The following PTPRK variants were observed in gnomAD, a reference collection of about 807,000 sequenced individuals.
The protein encoded by PTPRK is receptor-type tyrosine-protein phosphatase kappa.
A neutral mutation model predicts 178.0 loss-of-function variants in PTPRK; 75 were observed. That is an observed-to-expected ratio of 0.42 (90% CI 0.35 to 0.51). The LOEUF is 0.51. Among genes scored for constraint, PTPRK ranks in the 20% least tolerant of loss-of-function variants. The pLI is 0.02. For missense variants in PTPRK, 1,441 were observed against 1,797.8 expected (o/e 0.80, Z 3.59); for synonymous variants, 637 against 620.6 (o/e 1.03, Z -0.39).
chr6:128,443,320 T>A (rs1389993092), intron 1 of PTPRK, among the ~76,000 whole-genome samples: 1 of 150,394 alleles, frequency 6.6e-6, no homozygotes, highest in Non-Finnish European at 1.5e-5. Context: ...AAGAAGGAGA[T>A]GAGGGAAGAG....
chr6:128,512,582 A>G (rs570960750), intron 1 of PTPRK, among the ~76,000 whole-genome samples: 3 of 152,330 alleles, frequency 2.0e-5, no homozygotes, highest in African/African-American at 7.2e-5. Context: ...AAACACTTAC[A>G]GGCTCATTAA....
chr6:128,342,177 C>T (rs1191107903), intron 2 of PTPRK, among the ~76,000 whole-genome samples: 1 of 150,952 alleles, frequency 6.6e-6, no homozygotes, highest in East Asian at 1.9e-4. Flanking sequence ...CGTCTGAGCC[C>T]GGGAGGCGGA....
chr6:127,992,795 C>G, intron 18 of PTPRK, 86 bp from the exon 19 acceptor site: 1 of 1,072,648 alleles, frequency 9.3e-7, no homozygotes, highest in East Asian at 2.5e-5. Context: ...AGACAACCAC[C>G]TGTTAAGATT....
At chr6:128,338,265 T>C (rs1562311243) in intron 2 of PTPRK, among the ~76,000 whole-genome samples, 2 of 152,008 alleles carry the variant, frequency 1.3e-5, no homozygotes, top group Non-Finnish European at 2.9e-5. Context: ...ATTATAGTAA[T>C]AGATGATGGA....
intron 25 of PTPRK, among the ~76,000 whole-genome samples, chr6:127,979,335 A>C (rs951450443): frequency 6.6e-6 from 1 of 152,224 alleles, no homozygotes; most frequent in Admixed American, 6.5e-5. Flanking sequence ...AAAATTTGAC[A>C]AAGATGCCAA....
At chr6:128,446,558 G>A (rs943204380) in intron 1 of PTPRK, among the ~76,000 whole-genome samples, 1 of 152,160 alleles carries the variant, frequency 6.6e-6, no homozygotes, top group African/African-American at 2.4e-5. Context: ...ACTGTTACAT[G>A]TCAATTATGT....
At chr6:127,978,992 C>CT (rs935666284) in intron 25 of PTPRK, among the ~76,000 whole-genome samples, 9 of 152,024 alleles carry the variant, frequency 5.9e-5, no homozygotes, top group South Asian at 2.1e-4. Context: ...TATGAAATGT[C>CT]TTTTTTTTGA....
rs542440288 is a variant in PTPRK, at chr6:128,085,167, C to G, written c.1466-1343G>C. 7 of 152,192 alleles carry G rather than the reference C, an allele frequency of 4.6e-5. No individual in the cohort carries two copies. In the South Asian group the frequency reaches 1.3e-3, roughly 27 times the overall value. The allele number at this position is 152,192 out of a possible 1,614,324, so 9.4% of individuals were successfully genotyped here. A position where few individuals can be genotyped will look rare whatever the true frequency, so the allele number is the denominator to read the frequency against. On this transcript the variant is annotated intron_variant, in intron 8 of 29. Coordinates refer to ENST00000368226, the MANE Select transcript of PTPRK (RefSeq NM_002844.4). ...AAACCCACAATAAACAGAAAATATG[C>G]CAGCACTAAACTTTAGAAGATATGT...
At chr6:128,493,381 T>G (rs1419051432) in intron 1 of PTPRK, among the ~76,000 whole-genome samples, 3 of 151,812 alleles carry the variant, frequency 2.0e-5, no homozygotes, top group South Asian at 2.1e-4. Context: ...GCTAACACAG[T>G]GAAACCCTGT....
chr6:128,039,203 T>G (rs1776747678), intron 13 of PTPRK, among the ~76,000 whole-genome samples: 1 of 152,126 alleles, frequency 6.6e-6, no homozygotes, highest in African/African-American at 2.4e-5. Flanking sequence ...AACTAAATGG[T>G]CATCAGTATA....
chr6:128,406,030 G>A (rs1841607287), intron 1 of PTPRK, among the ~76,000 whole-genome samples: 1 of 151,836 alleles, frequency 6.6e-6, no homozygotes, highest in Non-Finnish European at 1.5e-5. Flanking sequence ...ACTTTTTTAA[G>A]GAGGATCACT....
intron 7 of PTPRK, among the ~76,000 whole-genome samples, chr6:128,097,899 TA>T (rs1330267821): frequency 1.3e-5 from 2 of 152,054 alleles, no homozygotes; most frequent in African/African-American, 2.4e-5. Context: ...TGTACAACCC[TA>T]AAAAAATGTA....
intron 1 of PTPRK, among the ~76,000 whole-genome samples, chr6:128,474,684 A>G (rs904790756): frequency 4.6e-5 from 7 of 152,108 alleles, no homozygotes; most frequent in Admixed American, 3.3e-4. Context: ...CTTCATACCA[A>G]TGCTCACTGT....
At chr6:128,503,956 A>G (rs369456570) in intron 1 of PTPRK, among the ~76,000 whole-genome samples, 3 of 152,200 alleles carry the variant, frequency 2.0e-5, no homozygotes, top group South Asian at 4.1e-4. Context: ...CTGGAAATGC[A>G]CAAATCAATG....
intron 7 of PTPRK, among the ~76,000 whole-genome samples, chr6:128,152,290 T>C (rs1440741690): frequency 6.6e-6 from 1 of 151,950 alleles, no homozygotes; most frequent in African/African-American, 2.4e-5. Context: ...CTCTCAGAAA[T>C]AAGAAGTGGA....
At chr6:128,178,627 T>G (rs964813775) in intron 7 of PTPRK, among the ~76,000 whole-genome samples, 1 of 151,746 alleles carries the variant, frequency 6.6e-6, no homozygotes, top group African/African-American at 2.4e-5. Context: ...TGTTTCTGAT[T>G]TGAAATGAGA....
At chr6:127,983,882 C>G (rs772535309) in intron 22 of PTPRK, among the ~76,000 whole-genome samples, 2 of 151,810 alleles carry the variant, frequency 1.3e-5, no homozygotes, top group African/African-American at 4.8e-5. Flanking sequence ...TGAGGAGCCA[C>G]GCTTCACAGG....
chr6:128,462,332 ATGT>A (rs1318077984), intron 1 of PTPRK, among the ~76,000 whole-genome samples: 3 of 152,170 alleles, frequency 2.0e-5, no homozygotes, highest in Non-Finnish European at 4.4e-5. Flanking sequence ...GAAAAATCAC[ATGT>A]TGTTTATTTT....
intron 3 of PTPRK, among the ~76,000 whole-genome samples, chr6:128,313,717 T>G (rs1827582962): frequency 6.6e-6 from 1 of 152,118 alleles, no homozygotes. Context: ...GAGCTCAATA[T>G]CAGCAAATTA....
Sources: allele counts gnomAD v4.1 joint callset (sites outside exome capture counted in the v4.1 genomes callset), GRCh38; gene constraint gnomAD v4.1.1; transcripts MANE v1.5; gene names NCBI Gene and HGNC (gene_info 2026-07-23, HGNC 2026-07-21).